The following ANKRD30BL variants were observed in gnomAD, a reference collection of about 807,000 sequenced individuals.
The protein encoded by ANKRD30BL is ankyrin repeat domain 30B like, also known as putative ankyrin repeat domain-containing protein 30B-like.
Under a neutral mutation model 18.4 loss-of-function variants are expected in ANKRD30BL, and 20 were observed. The observed-to-expected ratio is 1.09, with a 90% CI of 0.77 to 1.58. The LOEUF (loss-of-function observed/expected upper bound fraction) is 1.58. Ranked by LOEUF, ANKRD30BL falls within the 40% of genes most tolerant of loss-of-function variation. The pLI, the probability that ANKRD30BL is intolerant of heterozygous loss-of-function variation, is 0.00. For missense variants in ANKRD30BL, 224 were observed against 268.6 expected, an observed-to-expected ratio of 0.83 and a Z score of 1.16; for synonymous variants, 72 against 100.9, an observed-to-expected ratio of 0.71 and a Z score of 1.72.
At chr2:132,205,870 G>C (rs893265824) in intron 1 of ANKRD30BL, among the ~76,000 whole-genome samples, 2 of 151,880 alleles carry the variant, frequency 1.3e-5, no homozygotes, top group African/African-American at 4.8e-5. Context: ...GATTTCAATG[G>C]GTGAAAGAGG....
intron 1 of ANKRD30BL, among the ~76,000 whole-genome samples, chr2:132,194,349 TTGAAATG>T (rs1558927013): frequency 6.6e-6 from 1 of 152,134 alleles, no homozygotes; most frequent in African/African-American, 2.4e-5. Context: ...CCAAGGAAAT[TTGAAATG>T]CAGGTATCCT....
At chr2:132,217,183 A>G (rs10170807) in intron 1 of ANKRD30BL, among the ~76,000 whole-genome samples, 3,225 of 152,214 alleles carry the variant, frequency 0.021, 103 homozygotes, top group African/African-American at 0.074. Flanking sequence ...ATCATAGAGC[A>G]GTTTTGAAAC....
At chr2:132,199,291 C>A (rs2104745707) in intron 1 of ANKRD30BL, among the ~76,000 whole-genome samples, 1 of 152,074 alleles carries the variant, frequency 6.6e-6, no homozygotes, top group Admixed American at 6.5e-5. Context: ...ACTTGGGAGG[C>A]ATAGGTTGCA....
intron 1 of ANKRD30BL, among the ~76,000 whole-genome samples, chr2:132,210,955 C>A (rs551150840): frequency 3.3e-5 from 4 of 121,620 alleles, no homozygotes; most frequent in Admixed American, 7.9e-5. Context: ...CAGAGTTGAA[C>A]CTTTCTTTTG....
chr2:132,187,760 T>G (rs974628033), intron 1 of ANKRD30BL, among the ~76,000 whole-genome samples: 1 of 150,246 alleles, frequency 6.7e-6, no homozygotes, highest in Admixed American at 6.6e-5. Flanking sequence ...TAGAATAGAT[T>G]CTTTTTTTTT....
chr2:132,221,511 C>T (rs1679681888), intron 1 of ANKRD30BL, among the ~76,000 whole-genome samples: 1 of 130,162 alleles, frequency 7.7e-6, no homozygotes, highest in Non-Finnish European at 1.6e-5. Flanking sequence ...AGGAGCCCCT[C>T]TGCCTGGCCA....
intron 1 of ANKRD30BL, among the ~76,000 whole-genome samples, chr2:132,169,955 T>C (rs1688250514): frequency 6.6e-6 from 1 of 152,166 alleles, no homozygotes; most frequent in African/African-American, 2.4e-5. Context: ...AATCTCATTG[T>C]TTTAAGGATT....
intron 1 of ANKRD30BL, among the ~76,000 whole-genome samples, chr2:132,248,427 G>T (rs148331677): frequency 6.6e-6 from 1 of 152,028 alleles, no homozygotes; most frequent in African/African-American, 2.4e-5. Context: ...CTTCTGTCTA[G>T]TTTTTATGTG....
At chr2:132,149,869 C>T (rs942515743) in intron 5 of ANKRD30BL, among the ~76,000 whole-genome samples, 32 of 152,156 alleles carry the variant, frequency 2.1e-4, no homozygotes, top group Non-Finnish European at 3.5e-4. Flanking sequence ...GAATATATTT[C>T]TTCCTCTTTA....
At chr2:132,221,729 C>T (rs1222238595) in intron 1 of ANKRD30BL, among the ~76,000 whole-genome samples, 100 of 104,972 alleles carry the variant, frequency 9.5e-4, no homozygotes, top group Admixed American at 5.2e-3. Flanking sequence ...CCGCCCCGTC[C>T]GGGAGGTGAG....
At chr2:132,254,780 C>T (rs954446602) in intron 1 of ANKRD30BL, among the ~76,000 whole-genome samples, 4 of 151,728 alleles carry the variant, frequency 2.6e-5, no homozygotes, top group Non-Finnish European at 4.4e-5. Flanking sequence ...TGGGGGATGC[C>T]GACCGCTCCA....
At chr2:132,222,925 G>A (rs1273617576) in intron 1 of ANKRD30BL, among the ~76,000 whole-genome samples, 1 of 139,276 alleles carries the variant, frequency 7.2e-6, no homozygotes, top group Non-Finnish European at 1.6e-5. Context: ...GCCTATGGTG[G>A]AAAAGGAAAT....
Position 132,147,776 on chromosome 2 carries a change from T to G in ANKRD30BL, c.*355A>C, listed in dbSNP as rs555893754. On this transcript the variant is annotated 3_prime_UTR_variant, in exon 6 of 6. Coordinates refer to ENST00000409867, the MANE Select transcript of ANKRD30BL (RefSeq NM_001358416.1). ...CTCTAAGCCAATTCAGATTGGCTATTTAAAGAGGGCAGGGGTATGAGCTGG... is the reference window on the plus strand; with the variant it reads ...CTCTAAGCCAATTCAGATTGGCTATGTAAAGAGGGCAGGGGTATGAGCTGG... 7 of 265,944 alleles carry G rather than the reference T, an allele frequency of 2.6e-5. No homozygotes were observed. The East Asian group carries it at 5.5e-4, about 21-fold the overall frequency. 16.5% of individuals were successfully genotyped at this position (265,944 alleles called of 1,614,324 possible).
At chr2:132,163,723 G>A (rs1688133459), upstream of ANKRD30BL, among the ~76,000 whole-genome samples, 1 of 152,194 alleles carries the variant, frequency 6.6e-6, no homozygotes, top group Non-Finnish European at 1.5e-5. Context: ...TGGGTCCCCA[G>A]CTGCAGGAGG....
intron 1 of ANKRD30BL, chr2:132,256,945 C>T (rs78879023): frequency 8.1e-6 from 4 of 496,366 alleles, no homozygotes; most frequent in South Asian, 2.9e-5. Context: ...CCTGGGAGCC[C>T]GCAGAGGGGC....
intron 1 of ANKRD30BL, among the ~76,000 whole-genome samples, chr2:132,251,640 T>C (rs910664728): frequency 6.6e-6 from 1 of 152,236 alleles, no homozygotes; most frequent in African/African-American, 2.4e-5. Context: ...TCATCTGTTT[T>C]ATGTTCTATT....
At chr2:132,202,605 G>C (rs1044222863) in intron 1 of ANKRD30BL, among the ~76,000 whole-genome samples, 1 of 151,772 alleles carries the variant, frequency 6.6e-6, no homozygotes, top group South Asian at 2.1e-4. Context: ...AACCAATAAA[G>C]ATATGCAATA....
At chr2:132,194,308 G>A (rs1385730073) in intron 1 of ANKRD30BL, among the ~76,000 whole-genome samples, 1 of 152,168 alleles carries the variant, frequency 6.6e-6, no homozygotes, top group African/African-American at 2.4e-5. Flanking sequence ...CTGTGGTGGG[G>A]TTAGGAGGTG....
intron 1 of ANKRD30BL, among the ~76,000 whole-genome samples, chr2:132,244,604 A>G (rs1442372075): frequency 6.6e-6 from 1 of 152,072 alleles, no homozygotes; most frequent in Non-Finnish European, 1.5e-5. Context: ...TAATAACTAG[A>G]CAGAAGAATT....
Sources: gnomAD v4.1 joint callset for allele counts (sites outside exome capture counted in the v4.1 genomes callset) on GRCh38, gnomAD v4.1.1 for gene constraint, MANE v1.5 for transcripts, NCBI Gene and HGNC (gene_info 2026-07-23, HGNC 2026-07-21) for gene names.